The following CACNA1C variants were observed in gnomAD, a reference collection of about 807,000 sequenced individuals.
CACNA1C encodes the protein voltage-dependent L-type calcium channel subunit alpha-1C.
A neutral mutation model predicts 229.0 loss-of-function variants in CACNA1C; 30 were observed. The observed-to-expected ratio is 0.13, with a 90% CI of 0.10 to 0.18. The LOEUF (loss-of-function observed/expected upper bound fraction) is 0.18, where lower values mean the gene tolerates loss of function less well. Among genes scored for constraint, CACNA1C ranks in the 10% least tolerant of loss-of-function variants. The pLI is 1.00. For missense variants in CACNA1C, 1,658 were observed against 2,845.0 expected, an observed-to-expected ratio of 0.58 and a Z score of 9.49; for synonymous variants, 1,114 against 1,132.5, an observed-to-expected ratio of 0.98 and a Z score of 0.33.
In CACNA1C at chr12:2,593,913, C is replaced by T. The variant is rs80219782; in HGVS notation, c.2663+568C>T. Among the ~76,000 whole-genome samples, 641 of 152,242 alleles carry T rather than the reference C, an allele frequency of 4.2e-3. 7 individuals carry two copies. Among genetic ancestry groups the T allele is most frequent in the Middle Eastern group, 0.01 (3 of 294 alleles). On this transcript the variant is annotated intron_variant, in intron 19 of 46. Coordinates refer to ENST00000399655, the MANE Select transcript of CACNA1C (RefSeq NM_000719.7). ...CATTCTTTAGAGGCTCCTTTAGTTC[C>T]GTAATGGCAAATTCAGTGGGCCTCT...
Position 2,695,605 on chromosome 12 carries a change from T to C in CACNA1C, c.*4406T>C, listed in dbSNP as rs2097835165. On this transcript the variant is annotated 3_prime_UTR_variant, in exon 47 of 47. Coordinates refer to ENST00000399655, the MANE Select transcript of CACNA1C (RefSeq NM_000719.7). ...AGAAAAGTCCTACAACTGTCAGGAA[T>C]GGGGCACCTTTCCCTGTCCCTAAGC... 6.6e-6 allele frequency: 1 copy of C among 152,222 alleles called. No individual in the cohort carries two copies. The highest frequency in any genetic ancestry group is 2.1e-4 in the South Asian group (1 of 4,832). 9.4% of individuals were successfully genotyped at this position (152,222 alleles called of 1,614,324 possible).
chr12:2,532,707 C>T (rs946256483), intron 9 of CACNA1C, among the ~76,000 whole-genome samples: 1 of 152,320 alleles, frequency 6.6e-6, no homozygotes, highest in East Asian at 1.9e-4. Flanking sequence ...ATCAGAACCT[C>T]TGTGTCCTTT....
intron 10 of CACNA1C, among the ~76,000 whole-genome samples, chr12:2,554,368 C>G (rs61909407): frequency 3.1e-3 from 467 of 152,272 alleles, no homozygotes; most frequent in Non-Finnish European, 5.8e-3. Flanking sequence ...AGCCTTCTCT[C>G]CCTCCTCGCT....
Position 2,682,128 on chromosome 12 carries a change from C to T in CACNA1C, c.5445-422C>T, listed in dbSNP as rs1043111103. ...CAAGGGCACCATCAAAATAAGAGGC[C>T]AAGGACTTCTCAGCTATGCCAAATG... On this transcript the variant is annotated intron_variant, in intron 42 of 46. Transcript: ENST00000399655. 10 of 870,892 alleles carry T rather than the reference C, an allele frequency of 1.1e-5. No individual in the cohort carries two copies. In the Admixed American group the frequency reaches 1.8e-4, roughly 16 times the overall value. 53.9% of individuals were successfully genotyped at this position (870,892 alleles called of 1,614,324 possible).
intron 3 of CACNA1C, among the ~76,000 whole-genome samples, chr12:2,196,204 G>C (rs2097398164): frequency 6.6e-6 from 1 of 152,228 alleles, no homozygotes; most frequent in Non-Finnish European, 1.5e-5. Context: ...GGGGCAAGGA[G>C]TCTGGGGTCC....
At chr12:2,508,657 A>G (rs1447818753) in intron 8 of CACNA1C, among the ~76,000 whole-genome samples, 1 of 152,218 alleles carries the variant, frequency 6.6e-6, no homozygotes, top group Non-Finnish European at 1.5e-5. Context: ...TGTCTCTAAA[A>G]GTAAAAAAGA....
upstream of CACNA1C, chr12:2,048,398 C>T (rs1003423770): frequency 6.6e-6 from 1 of 152,202 alleles, no homozygotes; most frequent in Non-Finnish European, 1.5e-5. Flanking sequence ...ATCAACTTTA[C>T]CTGGTTTGAA....
intron 3 of CACNA1C, among the ~76,000 whole-genome samples, chr12:2,363,468 C>T (rs184048549): frequency 3.3e-5 from 5 of 152,348 alleles, no homozygotes; most frequent in Admixed American, 6.5e-5. Flanking sequence ...TTTCAGCTGT[C>T]GGAGGAGAGG....
chr12:2,423,561 T>C (rs2098998864), intron 3 of CACNA1C, among the ~76,000 whole-genome samples: 1 of 152,124 alleles, frequency 6.6e-6, no homozygotes, highest in African/African-American at 2.4e-5. Context: ...AGAACACATG[T>C]AATAAAATGA....
intron 9 of CACNA1C, among the ~76,000 whole-genome samples, chr12:2,516,526 C>T (rs562426348): frequency 6.6e-6 from 1 of 152,258 alleles, no homozygotes; most frequent in Admixed American, 6.5e-5. Context: ...CCTGCTGCCT[C>T]AGGAGATGCT....
rs1433457935 is a variant in CACNA1C, at chr12:2,630,083, G to C, written c.3829-4214G>C. Among the ~76,000 whole-genome samples, 1 of 152,234 alleles carries C rather than the reference G, an allele frequency of 6.6e-6. No individual in the cohort carries two copies. The highest frequency in any genetic ancestry group is 1.5e-5 in the Non-Finnish European group (1 of 68,038). ...TTCCCTTCTGGGCAGCCCGCCCTGCGTGGCTCTGAGGAGCTGGACAGTAGA... is the reference window on the plus strand; with the variant it reads ...TTCCCTTCTGGGCAGCCCGCCCTGCCTGGCTCTGAGGAGCTGGACAGTAGA... On this transcript the variant is annotated intron_variant, in intron 29 of 46. Coordinates refer to ENST00000399655, the MANE Select transcript of CACNA1C (RefSeq NM_000719.7). The surrounding 1 kb of genome is among the most constrained non-coding windows in gnomAD (Gnocchi z 5.4).
Position 2,136,975 on chromosome 12 carries a change from C to T in CACNA1C, c.477+16545C>T, listed in dbSNP as rs952134773. 5.9e-5 allele frequency among the ~76,000 whole-genome samples: 9 copies of T among 151,356 alleles called. 1 individual carries two copies. The highest frequency in any genetic ancestry group is 1.2e-4 in the Non-Finnish European group (8 of 67,618). ...GAAGCAGATCTTGGGAGCTGCTGGG[C>T]CTGCATTTGAACTTGGGGCCTTCAT... On this transcript the variant is annotated intron_variant, in intron 3 of 46. Coordinates refer to ENST00000399655, the MANE Select transcript of CACNA1C (RefSeq NM_000719.7).
At chr12:2,195,030 G>A (rs1426831513) in intron 3 of CACNA1C, among the ~76,000 whole-genome samples, 1 of 152,198 alleles carries the variant, frequency 6.6e-6, no homozygotes, top group Non-Finnish European at 1.5e-5. Context: ...GTATTCTAAT[G>A]TTGTCTTGAA....
chr12:2,052,954 G>T (rs1252034567), upstream of CACNA1C: 21 of 978,410 alleles, frequency 2.1e-5, no homozygotes, highest in Non-Finnish European at 2.5e-5. Context: ...GCTGGGCCGG[G>T]GGGAGTGAGC....
chr12:2,226,648 T>C (rs1003008770), intron 3 of CACNA1C, among the ~76,000 whole-genome samples: 4 of 152,178 alleles, frequency 2.6e-5, no homozygotes, highest in Admixed American at 2.0e-4. Flanking sequence ...AATTACATAG[T>C]GTCATTGTTT....
rs562894142 is a variant in CACNA1C at position 2,329,085 on chromosome 12, A to C, written c.478-119891A>C. ...TCCTGGTTTTGTGATAGATAACTAAAGATAGCACCCTGAATAGCAATGTTG... is the reference window on the plus strand; with the variant it reads ...TCCTGGTTTTGTGATAGATAACTAACGATAGCACCCTGAATAGCAATGTTG... On this transcript the variant is annotated intron_variant, in intron 3 of 46. Coordinates refer to ENST00000399655, the MANE Select transcript of CACNA1C (RefSeq NM_000719.7). 2.2e-4 allele frequency among the ~76,000 whole-genome samples: 33 copies of C among 152,308 alleles called. 2 individuals are homozygous for C. The South Asian group carries it at 6.2e-3, about 29-fold the overall frequency.
intron 3 of CACNA1C, among the ~76,000 whole-genome samples, chr12:2,395,362 G>T (rs140850959): frequency 6.6e-6 from 1 of 152,116 alleles, no homozygotes; most frequent in Non-Finnish European, 1.5e-5. Context: ...GGAAACACAG[G>T]TGTGCACCAC....
chr12:2,272,691 T>C (rs1291995349), intron 3 of CACNA1C, among the ~76,000 whole-genome samples: 1 of 152,180 alleles, frequency 6.6e-6, no homozygotes. Flanking sequence ...CCATCAGTAT[T>C]ATAATGTGGA....
intron 1 of CACNA1C, among the ~76,000 whole-genome samples, chr12:2,040,161 T>TG (rs60174926): frequency 0.051 from 7,683 of 152,068 alleles, 263 homozygotes; most frequent in Middle Eastern, 0.078. Flanking sequence ...TCTATTTTTT[T>TG]TTTGTTCGTT....
Sources: allele counts gnomAD v4.1 joint callset (sites outside exome capture counted in the v4.1 genomes callset), GRCh38; gene constraint gnomAD v4.1.1; non-coding constraint Gnocchi (gnomAD v3.1); transcripts MANE v1.5; gene names NCBI Gene and HGNC (gene_info 2026-07-23, HGNC 2026-07-21).